Variants in ADAM12 observed in about 807,000 individuals in gnomAD.
ADAM12 encodes the protein ADAM metallopeptidase domain 12.
ADAM12 carries 70 observed loss-of-function variants against 106.4 expected under a neutral mutation model. The observed-to-expected ratio is 0.66, with a 90% CI of 0.54 to 0.80. ADAM12 has a LOEUF of 0.80. ADAM12 is among the 30% of genes least tolerant of loss of function. ADAM12 has a pLI of 0.00. For missense variants in ADAM12, 1,010 were observed against 1,171.9 expected (o/e 0.86, Z 2.02); for synonymous variants, 420 against 433.5 (o/e 0.97, Z 0.39).
At position 126,292,310 on chromosome 10, in the gene ADAM12, C is replaced by T. The variant is rs572106864; in HGVS notation, c.187-13322G>A. Among the ~76,000 whole-genome samples the T allele has an allele frequency of 3.3e-5, 5 of 152,294 alleles. No individual in the cohort carries two copies. The South Asian group carries it at 8.3e-4, about 25-fold the overall frequency. On this transcript the variant is annotated intron_variant, in intron 2 of 22. Transcript: ENST00000448723. ...GGCTCCCATTGGTACCCTCTTCTGA[C>T]TCTCTTTTTCCTCTCGGTTCCAATG...
chr10:126,274,275 G>A (rs987774041), intron 3 of ADAM12, among the ~76,000 whole-genome samples: 13 of 152,192 alleles, frequency 8.5e-5, no homozygotes, highest in Non-Finnish European at 1.3e-4. Flanking sequence ...TTGCAACGGC[G>A]AAGGATGCAG....
chr10:126,382,180 A>T (rs1256524206), intron 1 of ADAM12, among the ~76,000 whole-genome samples: 1 of 82,394 alleles, frequency 1.2e-5, no homozygotes, highest in Non-Finnish European at 3.4e-5. Context: ...GCACTGGAAC[A>T]GGGGGCACTG....
intron 3 of ADAM12, among the ~76,000 whole-genome samples, chr10:126,194,659 AC>A (rs1590599980): frequency 6.6e-6 from 1 of 152,342 alleles, no homozygotes; most frequent in Middle Eastern, 3.4e-3. Context: ...ACCCAAGACC[AC>A]TCAATTGAAG....
At chr10:126,352,525 T>A (rs1407796496) in intron 1 of ADAM12, among the ~76,000 whole-genome samples, 1 of 152,224 alleles carries the variant, frequency 6.6e-6, no homozygotes, top group East Asian at 1.9e-4. Flanking sequence ...AGTTCTCAAA[T>A]GACACCAAGT....
chr10:126,035,529 A>G (rs1335869255), intron 21 of ADAM12, among the ~76,000 whole-genome samples: 1 of 152,220 alleles, frequency 6.6e-6, no homozygotes, highest in African/African-American at 2.4e-5. Flanking sequence ...AACAAAAAAT[A>G]TTAATAGCAG....
chr10:126,236,602 T>TCACAGGAAGGAGCACC (rs1311799629), intron 3 of ADAM12, among the ~76,000 whole-genome samples: 1 of 149,902 alleles, frequency 6.7e-6, no homozygotes. Context: ...GAAGGAGCAC[T>TCACAGGAAGGAGCACC]CACAGGAAGG....
chr10:126,186,105 G>T (rs142869310), intron 3 of ADAM12, among the ~76,000 whole-genome samples: 1 of 152,276 alleles, frequency 6.6e-6, no homozygotes, highest in East Asian at 1.9e-4. Context: ...TGTGGCAAGG[G>T]TGCCCGTTAG....
chr10:126,086,404 G>A lies in ADAM12; in HGVS notation c.1145+7581C>T, dbSNP rs1013898489. ...AATATGGGTATAGTTGGCCAGGTGC[G>A]GTGGCTCACACCTGTAATCCCAGCA... On this transcript the variant is annotated intron_variant, in intron 11 of 22. Coordinates refer to ENST00000448723, the MANE Select transcript of ADAM12 (RefSeq NM_001288973.2). Among the ~76,000 whole-genome samples, 7 of 150,710 alleles carry A rather than the reference G, an allele frequency of 4.6e-5. No homozygotes were observed. The South Asian group carries it at 6.3e-4, about 14-fold the overall frequency.
intron 4 of ADAM12, among the ~76,000 whole-genome samples, chr10:126,138,378 T>G (rs927809382): frequency 1.3e-5 from 2 of 152,090 alleles, no homozygotes; most frequent in Non-Finnish European, 2.9e-5. Flanking sequence ...TTTATTTTAT[T>G]TATTTATTTT....
At chr10:126,386,763 G>A (rs996304379) in intron 1 of ADAM12, among the ~76,000 whole-genome samples, 114 of 152,302 alleles carry the variant, frequency 7.5e-4, no homozygotes, top group African/African-American at 2.6e-3. Context: ...CACACTTTGA[G>A]ACACTTTCCG....
At chr10:126,186,648 A>C (rs1957404584) in intron 3 of ADAM12, among the ~76,000 whole-genome samples, 1 of 152,052 alleles carries the variant, frequency 6.6e-6, no homozygotes, top group African/African-American at 2.4e-5. Context: ...GGGGGGCAGG[A>C]ATCGCACAGT....
intron 3 of ADAM12, among the ~76,000 whole-genome samples, chr10:126,185,975 T>G (rs562932433): frequency 8.5e-5 from 13 of 152,352 alleles, no homozygotes; most frequent in African/African-American, 3.1e-4. Flanking sequence ...TTAAATGTTC[T>G]GTCTAGACTT....
At chr10:126,128,598 G>A (rs867162918) in intron 5 of ADAM12, among the ~76,000 whole-genome samples, 5 of 149,372 alleles carry the variant, frequency 3.3e-5, no homozygotes, top group Non-Finnish European at 7.4e-5. Context: ...GTGCGCGTGT[G>A]GGAATGTGTG....
chr10:126,353,342 G>A (rs1241039474), intron 1 of ADAM12, among the ~76,000 whole-genome samples: 2 of 152,222 alleles, frequency 1.3e-5, no homozygotes, highest in African/African-American at 2.4e-5. Context: ...GAAAGCAACA[G>A]TGTCATACTA....
At chr10:126,368,116 T>C (rs1855978141) in intron 1 of ADAM12, among the ~76,000 whole-genome samples, 1 of 151,886 alleles carries the variant, frequency 6.6e-6, no homozygotes, top group South Asian at 2.1e-4. Context: ...TATAAGTATA[T>C]GTATGCATGT....
chr10:126,042,205 C>G, intron 18 of ADAM12: 1 of 1,613,804 alleles, frequency 6.2e-7, no homozygotes, highest in Non-Finnish European at 8.5e-7. Flanking sequence ...GCCGCGCTCC[C>G]TGTTGGACTC....
chr10:126,140,070 A>C (rs1956482322), intron 4 of ADAM12, among the ~76,000 whole-genome samples: 2 of 152,190 alleles, frequency 1.3e-5, no homozygotes, highest in African/African-American at 2.4e-5. Context: ...TCAAAGCGGA[A>C]GACAATGCAG....
intron 2 of ADAM12, among the ~76,000 whole-genome samples, chr10:126,300,581 C>T (rs547728568): frequency 5.9e-5 from 9 of 152,208 alleles, no homozygotes; most frequent in African/African-American, 2.2e-4. Context: ...TTTAAAAAGA[C>T]GGTTTTGTTA....
Position 126,125,672 on chromosome 10 carries a change from C to T in ADAM12, c.417-7448G>A, listed in dbSNP as rs146067047. Among the ~76,000 whole-genome samples the T allele has an allele frequency of 4.6e-5, 7 of 151,998 alleles. No homozygotes were observed. The East Asian group carries it at 9.7e-4, about 21-fold the overall frequency. On this transcript the variant is annotated intron_variant, in intron 5 of 22. Coordinates refer to ENST00000448723, the MANE Select transcript of ADAM12 (RefSeq NM_001288973.2). ...GCAGGGGGTTGAATAGTGTCCCCCC[C>T]AGCCCCCAGAAAAGATATGTTTAAG...
Sources: allele counts gnomAD v4.1 joint callset (sites outside exome capture counted in the v4.1 genomes callset), GRCh38; gene constraint gnomAD v4.1.1; transcripts MANE v1.5; gene names NCBI Gene and HGNC (gene_info 2026-07-23, HGNC 2026-07-21).